MELK: variants seen among roughly 807,000 people sequenced by gnomAD.
MELK encodes pEg3 kinase.
In MELK, 81 loss-of-function variants were observed where a neutral mutation model predicts 85.0. That is an observed-to-expected ratio of 0.95 (90% CI 0.80 to 1.15). The LOEUF is 1.15. MELK is among the 50% of genes most tolerant of loss of function. MELK has a pLI of 0.00. For synonymous variants in MELK, 252 were observed against 265.0 expected, an observed-to-expected ratio of 0.95 and a Z score of 0.48; for missense variants, 754 against 777.5, an observed-to-expected ratio of 0.97 and a Z score of 0.36.
intron 7 of MELK, 147 bp downstream of exon 7, chr9:36,599,633 A>C: frequency 1.8e-6 from 1 of 553,300 alleles, no homozygotes; most frequent in Non-Finnish European, 3.2e-6. Flanking sequence ...GGAGAGTGAG[A>C]CATGATTACT....
intron 14 of MELK, 104 bp downstream of exon 14, chr9:36,665,685 T>C: frequency 1.2e-6 from 1 of 808,716 alleles, no homozygotes; most frequent in Non-Finnish European, 1.9e-6. Flanking sequence ...CAGGAATTTC[T>C]AGGAGAAGTG....
At chr9:36,673,174 A>T (rs1054440205) in intron 16 of MELK, among the ~76,000 whole-genome samples, 4 of 152,154 alleles carry the variant, frequency 2.6e-5, no homozygotes, top group Non-Finnish European at 5.9e-5. Flanking sequence ...ATATATTGTG[A>T]TTTGAAGGTG....
At position 36,584,272 on chromosome 9, in the gene MELK, T is replaced by C. The variant is rs1458342959; in HGVS notation, c.144+560T>C. Among the ~76,000 whole-genome samples, 3 of 151,124 alleles carry C rather than the reference T, an allele frequency of 2.0e-5. No homozygotes were observed. In the East Asian group the frequency reaches 5.8e-4, roughly 29 times the overall value. On this transcript the variant is annotated intron_variant, in intron 3 of 17. Transcript: ENST00000298048. ...TGCCCGCCTCGGCCTCCCAAAGTGC[T>C]GGGATTACAGTCGTGAGCCACCGCG... is the stretch of plus-strand genomic sequence containing the variant.
intron 10 of MELK, among the ~76,000 whole-genome samples, chr9:36,636,352 A>C (rs1224764494): frequency 1.3e-5 from 2 of 151,782 alleles, no homozygotes; most frequent in African/African-American, 4.8e-5. Flanking sequence ...AAAATACAAA[A>C]TCAGCTGGGC....
chr9:36,630,971 T>A (rs1361220536), intron 9 of MELK, among the ~76,000 whole-genome samples: 2 of 149,898 alleles, frequency 1.3e-5, no homozygotes, highest in Non-Finnish European at 3.0e-5. Context: ...TTTTTTTTTT[T>A]TTTTTTTATT....
chr9:36,593,316 G>A (rs1333352372), intron 4 of MELK, among the ~76,000 whole-genome samples: 1 of 151,906 alleles, frequency 6.6e-6, no homozygotes, highest in African/African-American at 2.4e-5. Context: ...ATAGTATTAA[G>A]AGGTGGGGCC....
At chr9:36,651,461 G>A (rs563874642) in intron 11 of MELK, among the ~76,000 whole-genome samples, 1 of 152,216 alleles carries the variant, frequency 6.6e-6, no homozygotes, top group South Asian at 2.1e-4. Context: ...CATATTATCT[G>A]AAGCTGAAAA....
chr9:36,579,383 C>T (rs1413274403), intron 1 of MELK, among the ~76,000 whole-genome samples: 3 of 152,112 alleles, frequency 2.0e-5, no homozygotes, highest in East Asian at 1.9e-4. Context: ...AGGCTGGTCC[C>T]GAACTCCTGA....
intron 13 of MELK, among the ~76,000 whole-genome samples, chr9:36,664,704 G>A (rs1368236171): frequency 6.6e-6 from 1 of 152,126 alleles, no homozygotes; most frequent in African/African-American, 2.4e-5. Flanking sequence ...AGCCCTTCCT[G>A]GCTTTACATG....
rs60428796 is a variant in MELK at position 36,595,605 on chromosome 9, G to GT, written c.405+853dup. 5.1e-4 allele frequency among the ~76,000 whole-genome samples: 62 copies of GT among 122,680 alleles called. 1 individual carries two copies. Among genetic ancestry groups the GT allele is most frequent in the East Asian group, 1.7e-3 (7 of 4,082 alleles). The allele number at this position is 122,680 out of a possible 152,430, so 80.5% of individuals were successfully genotyped here. On this transcript the variant is annotated intron_variant, in intron 5 of 17. Transcript: ENST00000298048. ...TTGTGTGTGACTTTATAAATGTCTT[G>GT]TTTTTTTTTTTTTTTTTTTAAGCAA...
chr9:36,598,188 T>G (rs1824502244), intron 6 of MELK, among the ~76,000 whole-genome samples: 1 of 146,408 alleles, frequency 6.8e-6, no homozygotes, highest in African/African-American at 2.5e-5. Flanking sequence ...GAAGGCAGGT[T>G]TTTTTTTTTT....
chr9:36,583,890 A>G (rs1822533240), intron 3 of MELK, among the ~76,000 whole-genome samples, 178 bp downstream of exon 3: 1 of 152,220 alleles, frequency 6.6e-6, no homozygotes, highest in Admixed American at 6.5e-5. Context: ...TTTGTTCTTC[A>G]GATTTTAACG....
chr9:36,664,613 C>A (rs932803008), intron 13 of MELK, among the ~76,000 whole-genome samples: 1 of 152,224 alleles, frequency 6.6e-6, no homozygotes, highest in Admixed American at 6.5e-5. Context: ...TCCCTCAGAA[C>A]CAAGACCAAG....
At chr9:36,653,480 A>G (rs921236111) in intron 12 of MELK, among the ~76,000 whole-genome samples, 4 of 152,192 alleles carry the variant, frequency 2.6e-5, no homozygotes, top group Non-Finnish European at 5.9e-5. Flanking sequence ...AGAAGCTTAC[A>G]TACATAGAGG....
At chr9:36,612,087 TTTTG>T (rs1826115288) in intron 8 of MELK, among the ~76,000 whole-genome samples, 3 of 151,512 alleles carry the variant, frequency 2.0e-5, no homozygotes, top group Admixed American at 6.6e-5. Flanking sequence ...ATTGTTTTAT[TTTTG>T]TTTGTTTGTT....
chr9:36,602,959 GCTGGTGA>G (rs1825088216), intron 7 of MELK, among the ~76,000 whole-genome samples: 1 of 152,176 alleles, frequency 6.6e-6, no homozygotes, highest in Non-Finnish European at 1.5e-5. Context: ...GGGTCACACA[GCTGGTGA>G]CTGAGTGAGA....
Position 36,651,763 on chromosome 9 carries a change from C to G in MELK, c.939C>G (p.Leu313=). ...DLISLWQYDH[L]TATYLLLLAK... is the part of the protein sequence containing the mutation. Reference sequence around the variant, plus strand: ...TCCTTTAGTGGCAGTATGATCACCTCACGGCTACCTATCTTCTGCTTCTAG... The same window carrying G: ...TCCTTTAGTGGCAGTATGATCACCTGACGGCTACCTATCTTCTGCTTCTAG... The change falls in exon 12 of 18, where the codon CTC becomes CTG. Residue 313 remains leucine (L), a synonymous_variant. Transcript: ENST00000298048. The G allele has an allele frequency of 6.2e-7, 1 of 1,613,960 alleles. No homozygotes were observed.
intron 13 of MELK, among the ~76,000 whole-genome samples, chr9:36,657,672 C>T (rs1450033900): frequency 6.6e-6 from 1 of 152,176 alleles, no homozygotes; most frequent in Non-Finnish European, 1.5e-5. Context: ...CTCACTGCAA[C>T]CTCTGCCTCC....
In MELK at chr9:36,590,063, A is replaced by G. The variant is rs536812897; in HGVS notation, c.261+411A>G. Among the ~76,000 whole-genome samples the G allele has an allele frequency of 2.4e-4, 37 of 151,728 alleles. No homozygotes were observed. The South Asian group carries it at 7.3e-3, about 30-fold the overall frequency. On this transcript the variant is annotated intron_variant, in intron 4 of 17. Coordinates refer to ENST00000298048, the MANE Select transcript of MELK (RefSeq NM_014791.4). The stretch of plus-strand genomic sequence containing the variant: ...CAGCCTCCTGAGTAGCTGGGACTAC[A>G]GGCGCCCACCACCATGCCCGGCTAA...
Sources: allele counts gnomAD v4.1 joint callset (sites outside exome capture counted in the v4.1 genomes callset), GRCh38; gene constraint gnomAD v4.1.1; transcripts MANE v1.5; gene names NCBI Gene and HGNC (gene_info 2026-07-23, HGNC 2026-07-21).